The following ERICH1 variants were observed in gnomAD, a reference collection of about 807,000 sequenced individuals.
ERICH1 encodes glutamate rich 1.
A neutral mutation model predicts 39.6 loss-of-function variants in ERICH1; 56 were observed. That is an observed-to-expected ratio of 1.41 (90% CI 1.14 to 1.77). ERICH1 has a LOEUF of 1.77. ERICH1 is among the 40% of genes most tolerant of loss of function. The pLI is 0.00. For missense variants in ERICH1, 826 were observed against 575.4 expected (o/e 1.44, Z -4.45); for synonymous variants, 313 against 223.6 (o/e 1.40, Z -3.57).
At chr8:632,200 T>C (rs1231841329) in intron 3 of ERICH1, among the ~76,000 whole-genome samples, 1 of 152,190 alleles carries the variant, frequency 6.6e-6, no homozygotes, top group African/African-American at 2.4e-5. Context: ...GTTGTAGTGA[T>C]TTGTCCCGGG....
chr8:655,061 G>C (rs945740545), intron 3 of ERICH1, among the ~76,000 whole-genome samples: 2 of 152,184 alleles, frequency 1.3e-5, no homozygotes, highest in Admixed American at 1.3e-4. Context: ...AAGCCGTGGA[G>C]AACAACAAAA....
At chr8:702,226 G>A (rs926719482) in intron 2 of ERICH1, among the ~76,000 whole-genome samples, 1 of 152,178 alleles carries the variant, frequency 6.6e-6, no homozygotes, top group East Asian at 1.9e-4. Context: ...GTGAAAGGCT[G>A]TCCAGTTTTG....
chr8:681,945 C>T (rs1022155376), intron 3 of ERICH1, among the ~76,000 whole-genome samples: 1 of 152,208 alleles, frequency 6.6e-6, no homozygotes, highest in African/African-American at 2.4e-5. Flanking sequence ...GTCTGATCGC[C>T]CTGTCTGCCT....
At chr8:688,207 C>T (rs1052507006) in intron 3 of ERICH1, among the ~76,000 whole-genome samples, 4 of 147,792 alleles carry the variant, frequency 2.7e-5, no homozygotes, top group Admixed American at 2.1e-4. Context: ...GGCCCCTGAG[C>T]CGCCCACGCA....
At chr8:671,625 G>A (rs983048969) in intron 4 of ERICH1, among the ~76,000 whole-genome samples, 6 of 134,980 alleles carry the variant, frequency 4.4e-5, no homozygotes, top group African/African-American at 1.7e-4. Context: ...ACCACTGAGC[G>A]CACTGGTCCC....
At chr8:636,671 A>G (rs949335472) in intron 3 of ERICH1, among the ~76,000 whole-genome samples, 1 of 152,212 alleles carries the variant, frequency 6.6e-6, no homozygotes, top group African/African-American at 2.4e-5. Context: ...GTCCAAATAA[A>G]GGGTCGCTGC....
chr8:616,563 A>G (rs1796909205), intron 3 of ERICH1: 1 of 455,912 alleles, frequency 2.2e-6, no homozygotes, highest in Non-Finnish European at 4.4e-6. Context: ...CTGGAGCTGA[A>G]AAACAGATCA....
At chr8:655,024 A>G (rs750931180) in intron 3 of ERICH1, among the ~76,000 whole-genome samples, 5 of 152,128 alleles carry the variant, frequency 3.3e-5, no homozygotes, top group African/African-American at 1.2e-4. Flanking sequence ...TTAGTAACAA[A>G]TTCCCTTCAG....
chr8:663,981 G>T (rs183484468), downstream of ERICH1, among the ~76,000 whole-genome samples: 15 of 152,246 alleles, frequency 9.9e-5, no homozygotes, highest in African/African-American at 3.6e-4. Flanking sequence ...GGATGCTCTC[G>T]ATCTCCTGAC....
chr8:663,204 G>A (rs1473417119), downstream of ERICH1, among the ~76,000 whole-genome samples: 1 of 152,234 alleles, frequency 6.6e-6, no homozygotes, highest in African/African-American at 2.4e-5. Context: ...GACCTGGAGG[G>A]AAGTGGCAGG....
At chr8:679,549 C>G (rs1461055575) in intron 3 of ERICH1, among the ~76,000 whole-genome samples, 1 of 152,164 alleles carries the variant, frequency 6.6e-6, no homozygotes, top group Non-Finnish European at 1.5e-5. Context: ...GCCCATCTCT[C>G]CCGTGGATGC....
chr8:636,751 C>T (rs888685763), intron 3 of ERICH1, among the ~76,000 whole-genome samples: 3 of 152,262 alleles, frequency 2.0e-5, no homozygotes, highest in Non-Finnish European at 2.9e-5. Flanking sequence ...CCTCGGCAGG[C>T]AGCTCCCTGA....
rs1355766192 is a variant in ERICH1 at position 700,283 on chromosome 8, C to G, written c.170-7671G>C. 5.5e-5 allele frequency among the ~76,000 whole-genome samples: 5 copies of G among 91,410 alleles called. 1 individual carries two copies. The highest frequency in any genetic ancestry group is 3.3e-4 in the East Asian group (1 of 3,070). 60.0% of individuals were successfully genotyped at this position (91,410 alleles called of 152,430 possible). ...CACAGGCCCGCACAGGCGCACAGACCCGCACAGGCCCGGACACGCGCACAG... is the reference window on the plus strand; with the variant it reads ...CACAGGCCCGCACAGGCGCACAGACGCGCACAGGCCCGGACACGCGCACAG... On this transcript the variant is annotated intron_variant, in intron 2 of 5. Coordinates refer to ENST00000262109, the MANE Select transcript of ERICH1 (RefSeq NM_207332.3).
chr8:682,822 T>A (rs921956058), intron 3 of ERICH1, among the ~76,000 whole-genome samples: 2 of 152,220 alleles, frequency 1.3e-5, no homozygotes, highest in Non-Finnish European at 2.9e-5. Context: ...GAAAGTAGGC[T>A]AGGCATTTTA....
chr8:704,581 T>A (rs1812838549), intron 2 of ERICH1, among the ~76,000 whole-genome samples: 1 of 152,150 alleles, frequency 6.6e-6, no homozygotes, highest in Non-Finnish European at 1.5e-5. Context: ...GAAACGGTGT[T>A]TACGGAGACA....
downstream of ERICH1, among the ~76,000 whole-genome samples, chr8:661,834 C>A (rs1394502569): frequency 6.6e-6 from 1 of 152,232 alleles, no homozygotes; most frequent in Admixed American, 6.5e-5. Flanking sequence ...CAGAAGGTTT[C>A]GCAAAGTAAA....
chr8:616,960 CACACAGAG>C (rs1796957509), intron 3 of ERICH1, among the ~76,000 whole-genome samples: 12 of 9,944 alleles, frequency 1.2e-3, no homozygotes, highest in Admixed American at 3.1e-3. Context: ...GAGACAGAGA[CACACAGAG>C]AGAGAGAGAG....
At chr8:664,811 G>T in intron 5 of ERICH1, 135 bp from the exon 6 acceptor site, 2 of 633,780 alleles carry the variant, frequency 3.2e-6, no homozygotes, top group Non-Finnish European at 5.3e-6. Flanking sequence ...ACTTTGGCAT[G>T]AAACTGATGT....
chr8:695,014 A>G (rs1194431937), intron 2 of ERICH1, among the ~76,000 whole-genome samples: 1 of 152,140 alleles, frequency 6.6e-6, no homozygotes, highest in Admixed American at 6.5e-5. Context: ...TCCCTCGGGA[A>G]AGGCAGAGGG....
Sources: allele counts gnomAD v4.1 joint callset (sites outside exome capture counted in the v4.1 genomes callset), GRCh38; gene constraint gnomAD v4.1.1; transcripts MANE v1.5; gene names NCBI Gene and HGNC (gene_info 2026-07-23, HGNC 2026-07-21).